KLHL32: variants seen among roughly 807,000 people sequenced by gnomAD.
The protein encoded by KLHL32 is kelch like family member 32, also known as kelch-like protein 32.
KLHL32 carries 35 observed loss-of-function variants against 64.8 expected under a neutral mutation model. That is an observed-to-expected ratio of 0.54 (90% CI 0.41 to 0.72). The LOEUF (loss-of-function observed/expected upper bound fraction) is 0.72, where lower values mean the gene tolerates loss of function less well. Ranked by LOEUF, KLHL32 falls within the 30% of genes least tolerant of loss-of-function variation. KLHL32 has a pLI of 0.00. For synonymous variants in KLHL32, 259 were observed against 281.0 expected, an observed-to-expected ratio of 0.92 and a Z score of 0.78; for missense variants, 589 against 768.5, an observed-to-expected ratio of 0.77 and a Z score of 2.76.
intron 5 of KLHL32, among the ~76,000 whole-genome samples, chr6:97,073,700 G>A (rs185410113): frequency 6.6e-6 from 1 of 152,184 alleles, no homozygotes; most frequent in African/African-American, 2.4e-5. Flanking sequence ...TATGCTTCCT[G>A]ACTAGGGAAC....
chr6:96,934,326 C>G (rs1582387313), intron 1 of KLHL32, among the ~76,000 whole-genome samples: 1 of 152,188 alleles, frequency 6.6e-6, no homozygotes, highest in Admixed American at 6.5e-5. Flanking sequence ...GGTGATAGGT[C>G]TACTTTGGGA....
At chr6:97,102,823 G>A (rs936781106) in intron 6 of KLHL32, among the ~76,000 whole-genome samples, 11 of 152,020 alleles carry the variant, frequency 7.2e-5, no homozygotes, top group African/African-American at 2.4e-4. Context: ...GATATGGGAT[G>A]GGAATGGTAT....
intron 6 of KLHL32, among the ~76,000 whole-genome samples, chr6:97,086,465 C>T (rs9320410): frequency 0.89 from 135,379 of 152,180 alleles, 60,306 homozygotes; most frequent in East Asian, 1. Flanking sequence ...CCCAGGCTCT[C>T]TGCAAACTTA....
chr6:97,089,240 G>A (rs992643867), intron 6 of KLHL32, among the ~76,000 whole-genome samples: 15 of 152,188 alleles, frequency 9.9e-5, no homozygotes, highest in Non-Finnish European at 2.2e-4. Context: ...AAACAAGAAG[G>A]ATATTTAAAA....
chr6:97,062,113 G>C (rs1318065356), intron 4 of KLHL32, among the ~76,000 whole-genome samples: 4 of 152,198 alleles, frequency 2.6e-5, no homozygotes, highest in Non-Finnish European at 5.9e-5. Flanking sequence ...ATCGCCGTAT[G>C]GGTTTTTCAT....
At chr6:97,023,852 A>T (rs961279336) in intron 3 of KLHL32, among the ~76,000 whole-genome samples, 3 of 152,192 alleles carry the variant, frequency 2.0e-5, no homozygotes, top group Non-Finnish European at 4.4e-5. Flanking sequence ...CTCTGGAGAT[A>T]TTAGAATCTG....
chr6:96,981,952 G>C (rs918963105), intron 3 of KLHL32, among the ~76,000 whole-genome samples: 27 of 151,954 alleles, frequency 1.8e-4, no homozygotes, highest in African/African-American at 6.5e-4. Context: ...AATTTGCTGA[G>C]GATTGTTTTA....
the KLHL32 span, among the ~76,000 whole-genome samples, chr6:96,903,102 C>A: frequency 6.6e-6 from 1 of 151,268 alleles, no homozygotes; most frequent in Non-Finnish European, 1.5e-5. Flanking sequence ...AGAAATCAAC[C>A]ACACAGAAAA....
At chr6:97,031,186 C>T (rs1783484319) in intron 3 of KLHL32, among the ~76,000 whole-genome samples, 1 of 152,142 alleles carries the variant, frequency 6.6e-6, no homozygotes, top group South Asian at 2.1e-4. Context: ...CCAAGTTCTT[C>T]CTTATCACCA....
At chr6:97,014,930 G>A (rs1028108765) in intron 3 of KLHL32, among the ~76,000 whole-genome samples, 2 of 152,210 alleles carry the variant, frequency 1.3e-5, no homozygotes, top group Non-Finnish European at 2.9e-5. Flanking sequence ...CCATTTGTCA[G>A]GGGAAGGACC....
chr6:97,004,640 T>C (rs1779438054), intron 3 of KLHL32, among the ~76,000 whole-genome samples: 1 of 152,184 alleles, frequency 6.6e-6, no homozygotes, highest in Non-Finnish European at 1.5e-5. Flanking sequence ...TATTTTGGGA[T>C]ATGTTCCTTC....
intron 3 of KLHL32, among the ~76,000 whole-genome samples, chr6:97,005,367 T>C (rs1297861403): frequency 6.6e-6 from 1 of 152,120 alleles, no homozygotes; most frequent in Non-Finnish European, 1.5e-5. Context: ...AGATCTTCTC[T>C]CTTTTTTTCT....
At chr6:97,073,446 A>C (rs1214384715) in intron 5 of KLHL32, among the ~76,000 whole-genome samples, 1 of 152,218 alleles carries the variant, frequency 6.6e-6, no homozygotes, top group Non-Finnish European at 1.5e-5. Flanking sequence ...GCAACACAAT[A>C]CATGGTATTG....
chr6:97,008,147 A>G (rs1199631590), intron 3 of KLHL32, among the ~76,000 whole-genome samples: 1 of 151,994 alleles, frequency 6.6e-6, no homozygotes, highest in Non-Finnish European at 1.5e-5. Flanking sequence ...TGGTGGTGGC[A>G]TGGGGTTGGG....
chr6:97,043,458 C>T (rs200791617), intron 4 of KLHL32, among the ~76,000 whole-genome samples: 4 of 137,636 alleles, frequency 2.9e-5, no homozygotes, highest in African/African-American at 8.9e-5. Context: ...TTTCTTTATT[C>T]ATCTGATGAT....
At chr6:96,954,772 G>A (rs1051979580) in intron 1 of KLHL32, among the ~76,000 whole-genome samples, 4 of 152,220 alleles carry the variant, frequency 2.6e-5, no homozygotes, top group Admixed American at 6.5e-5. Context: ...GGGATGAGAC[G>A]GACAGTAACC....
intron 6 of KLHL32, among the ~76,000 whole-genome samples, chr6:97,106,513 C>CAGATG (rs1796426122): frequency 6.6e-6 from 1 of 152,104 alleles, no homozygotes; most frequent in Non-Finnish European, 1.5e-5. Flanking sequence ...GAGGCCAAGG[C>CAGATG]AGATGGATCA....
chr6:96,999,770 CTTT>C (rs1325507233), intron 3 of KLHL32, among the ~76,000 whole-genome samples: 2 of 152,074 alleles, frequency 1.3e-5, no homozygotes, highest in African/African-American at 4.8e-5. Flanking sequence ...AAATGTGCTT[CTTT>C]ATTATGGTTC....
chr6:96,932,831 A>G (rs1770105018), intron 1 of KLHL32, among the ~76,000 whole-genome samples: 1 of 152,072 alleles, frequency 6.6e-6, no homozygotes, highest in African/African-American at 2.4e-5. Context: ...TTGGGCTTCC[A>G]AAGTGCTGGA....
Sources: gnomAD v4.1 joint callset for allele counts (sites outside exome capture counted in the v4.1 genomes callset) on GRCh38, gnomAD v4.1.1 for gene constraint, MANE v1.5 for transcripts, NCBI Gene and HGNC (gene_info 2026-07-23, HGNC 2026-07-21) for gene names.